Variants in BMPR1B observed in about 807,000 individuals in gnomAD.
BMPR1B encodes the protein bone morphogenetic protein receptor type 1B, also known as bone morphogenetic protein receptor type-1B.
Under a neutral mutation model 59.1 loss-of-function variants are expected in BMPR1B, and 12 were observed. The ratio of observed to expected loss-of-function variants is 0.20; its 90% CI spans 0.13 to 0.33. The LOEUF (loss-of-function observed/expected upper bound fraction) is 0.33, where lower values mean the gene tolerates loss of function less well. Among genes scored for constraint, BMPR1B ranks in the 10% least tolerant of loss-of-function variants. The probability of loss-of-function intolerance (pLI) is 1.00; values close to 1 mark genes in which losing one functional copy is unlikely to be tolerated. For missense variants in BMPR1B, 550 were observed against 610.9 expected, an observed-to-expected ratio of 0.90 and a Z score of 1.05; for synonymous variants, 237 against 207.3, an observed-to-expected ratio of 1.14 and a Z score of -1.23.
intron 1 of BMPR1B, among the ~76,000 whole-genome samples, chr4:94,856,644 C>A (rs903231378): frequency 6.6e-6 from 1 of 152,202 alleles, no homozygotes; most frequent in African/African-American, 2.4e-5. Flanking sequence ...TATCTTTCTA[C>A]ATTCTTGCTA....
intron 2 of BMPR1B, among the ~76,000 whole-genome samples, chr4:94,992,692 T>G (rs1228455910): frequency 2.6e-5 from 4 of 152,194 alleles, no homozygotes; most frequent in African/African-American, 9.6e-5. Flanking sequence ...CTCTTTGTGT[T>G]TTACAGTTCT....
intron 1 of BMPR1B, among the ~76,000 whole-genome samples, chr4:94,848,741 G>T (rs1039513674): frequency 1.3e-5 from 2 of 152,184 alleles, no homozygotes; most frequent in Non-Finnish European, 2.9e-5. Context: ...ACCTGCTAGA[G>T]GCTACTGAAG....
chr4:95,132,453 A>G (rs993392812), intron 10 of BMPR1B, among the ~76,000 whole-genome samples: 1 of 152,202 alleles, frequency 6.6e-6, no homozygotes, highest in Non-Finnish European at 1.5e-5. Context: ...GTGTGATTTA[A>G]TAACATACCC....
chr4:95,081,189 G>GT (rs2149234675), intron 3 of BMPR1B, among the ~76,000 whole-genome samples: 1 of 152,160 alleles, frequency 6.6e-6, no homozygotes, highest in Non-Finnish European at 1.5e-5. Context: ...CACCTTGATT[G>GT]TAAGTTTTCT....
At chr4:94,764,488 A>T (rs929833822) in intron 1 of BMPR1B, among the ~76,000 whole-genome samples, 2 of 152,056 alleles carry the variant, frequency 1.3e-5, no homozygotes, top group Non-Finnish European at 2.9e-5. Flanking sequence ...CTTTTCCACT[A>T]CTGCCCACAC....
intron 2 of BMPR1B, among the ~76,000 whole-genome samples, chr4:94,966,928 T>G (rs1230680869): frequency 1.3e-5 from 2 of 152,146 alleles, no homozygotes; most frequent in Non-Finnish European, 2.9e-5. Flanking sequence ...AGGGAACAAA[T>G]TCTGGAAGTT....
intron 3 of BMPR1B, among the ~76,000 whole-genome samples, chr4:95,052,596 A>T (rs1469842389): frequency 5.2e-4 from 79 of 152,336 alleles, no homozygotes; most frequent in African/African-American, 1.7e-3. Context: ...TGCATATTAT[A>T]GAACTAACTT....
chr4:95,137,553 T>C (rs1733892317), intron 10 of BMPR1B, among the ~76,000 whole-genome samples: 1 of 152,186 alleles, frequency 6.6e-6, no homozygotes, highest in South Asian at 2.1e-4. Flanking sequence ...TAAGTCTCTT[T>C]GTAGGTCTCT....
At chr4:94,921,212 A>G (rs1217035411) in intron 2 of BMPR1B, among the ~76,000 whole-genome samples, 2 of 152,142 alleles carry the variant, frequency 1.3e-5, no homozygotes, top group Non-Finnish European at 2.9e-5. Context: ...GAGGTACAAT[A>G]TGACCTCAGA....
At chr4:95,010,022 T>TA (rs1447873170) in intron 3 of BMPR1B, among the ~76,000 whole-genome samples, 1 of 152,016 alleles carries the variant, frequency 6.6e-6, no homozygotes, top group Non-Finnish European at 1.5e-5. Flanking sequence ...TTGAAAGATG[T>TA]AAAAAGAGCA....
intron 2 of BMPR1B, among the ~76,000 whole-genome samples, chr4:94,948,304 A>G (rs931715926): frequency 1.3e-5 from 2 of 152,212 alleles, no homozygotes; most frequent in Non-Finnish European, 2.9e-5. Flanking sequence ...CCCTAGATCA[A>G]ACATGTTCAG....
At chr4:94,832,676 A>G (rs1724647443) in intron 1 of BMPR1B, among the ~76,000 whole-genome samples, 1 of 152,070 alleles carries the variant, frequency 6.6e-6, no homozygotes, top group Non-Finnish European at 1.5e-5. Context: ...CCAGCTACTC[A>G]GGAGGCTGAG....
intron 1 of BMPR1B, among the ~76,000 whole-genome samples, chr4:94,769,481 A>G (rs562719927): frequency 1.6e-4 from 24 of 152,312 alleles, no homozygotes; most frequent in African/African-American, 5.5e-4. Context: ...GTGGTGGCAC[A>G]TGCCTGTAAT....
intron 3 of BMPR1B, among the ~76,000 whole-genome samples, chr4:95,094,015 G>A (rs1369331160): frequency 6.6e-6 from 1 of 152,028 alleles, no homozygotes; most frequent in East Asian, 1.9e-4. Flanking sequence ...ACTTAATTTG[G>A]CAATTATGTG....
At chr4:94,847,532 A>G (rs1725383622) in intron 1 of BMPR1B, among the ~76,000 whole-genome samples, 1 of 152,218 alleles carries the variant, frequency 6.6e-6, no homozygotes, top group Non-Finnish European at 1.5e-5. Context: ...TTTGGAAGCA[A>G]CCAGAGGTGT....
At chr4:95,084,243 T>A (rs1419845125) in intron 3 of BMPR1B, among the ~76,000 whole-genome samples, 1 of 150,816 alleles carries the variant, frequency 6.6e-6, no homozygotes, top group Non-Finnish European at 1.5e-5. Context: ...ATATAAAAAA[T>A]TTTATATATT....
At chr4:94,963,468 G>A (rs1730445764) in intron 2 of BMPR1B, among the ~76,000 whole-genome samples, 1 of 152,002 alleles carries the variant, frequency 6.6e-6, no homozygotes, top group Admixed American at 6.6e-5. Context: ...AGTTATTCAT[G>A]GTTTCAGGTC....
At chr4:94,874,193 C>T (rs1260782407) in intron 1 of BMPR1B, among the ~76,000 whole-genome samples, 3 of 151,628 alleles carry the variant, frequency 2.0e-5, no homozygotes, top group South Asian at 2.1e-4. Flanking sequence ...TTGTTTTATC[C>T]ATTCATCTTT....
chr4:95,143,471 C>A (rs1484304043), intron 10 of BMPR1B, among the ~76,000 whole-genome samples: 1 of 152,102 alleles, frequency 6.6e-6, no homozygotes, highest in Non-Finnish European at 1.5e-5. Flanking sequence ...CAAAGTCTTT[C>A]CCTTTGCTCC....
Sources: allele counts gnomAD v4.1 joint callset (sites outside exome capture counted in the v4.1 genomes callset), GRCh38; gene constraint gnomAD v4.1.1; transcripts MANE v1.5; gene names NCBI Gene and HGNC (gene_info 2026-07-23, HGNC 2026-07-21).